The following CRTC3 variants were observed in gnomAD, a reference collection of about 807,000 sequenced individuals.
CRTC3 encodes the protein CREB-regulated transcription coactivator 3.
In CRTC3, 26 loss-of-function variants were observed where a neutral mutation model predicts 74.5. The ratio of observed to expected loss-of-function variants is 0.35; its 90% CI spans 0.26 to 0.48. The LOEUF (loss-of-function observed/expected upper bound fraction) is 0.48. Ranked by LOEUF, CRTC3 falls within the 20% of genes least tolerant of loss-of-function variation. CRTC3 has a pLI of 0.99. For missense variants in CRTC3, 760 were observed against 787.3 expected (o/e 0.97, Z 0.41); for synonymous variants, 377 against 325.8 (o/e 1.16, Z -1.69).
At position 90,644,473 on chromosome 15, in the gene CRTC3, G is replaced by A. The variant is rs1969558391; in HGVS notation, c.*2333G>A. 1 of 232,118 alleles carries A rather than the reference G, an allele frequency of 4.3e-6. No individual in the cohort carries two copies. Among genetic ancestry groups the A allele is most frequent in the Admixed American group, 5.6e-5 (1 of 17,728 alleles). 14.4% of individuals were successfully genotyped at this position (232,118 alleles called of 1,614,324 possible). ...TGTCTGCACAGCAGCCACCCTGCCT[G>A]GCAACAGAGACCCCAAGACCTACAC... On this transcript the variant is annotated 3_prime_UTR_variant, in exon 15 of 15. Coordinates refer to ENST00000268184, the MANE Select transcript of CRTC3 (RefSeq NM_022769.5).
In CRTC3 at chr15:90,638,635, C is replaced by T. The variant is rs750326673; in HGVS notation, c.1456C>T (p.Leu486Phe). ...ACTGCCACAGTCAGACTTTCAGCTT[C>T]TCCCGGCCCAGGTGAGTTCTGGCAG... ...SSLPQSDFQL[L>F]PAQGSSLTNF... Residue 486 changes from leucine to phenylalanine, a missense_variant, in exon 12 of 15, where the codon CTC (leucine) becomes TTC (phenylalanine). Coordinates refer to ENST00000268184, the MANE Select transcript of CRTC3 (RefSeq NM_022769.5). 6.2e-6 allele frequency: 10 copies of T among 1,613,736 alleles called. No homozygotes were observed. Among genetic ancestry groups the T allele is most frequent in the Non-Finnish European group, 8.5e-6 (10 of 1,179,984 alleles).
chr15:90,581,318 AAAAATTC>A (rs1967535910), intron 2 of CRTC3, among the ~76,000 whole-genome samples: 1 of 152,226 alleles, frequency 6.6e-6, no homozygotes, highest in Non-Finnish European at 1.5e-5. Context: ...AAGTTTTTTT[AAAAATTC>A]AATATGCTTT....
chr15:90,542,426 A>C lies in CRTC3; in HGVS notation c.231+2289A>C, dbSNP rs561375828. 3.9e-5 allele frequency among the ~76,000 whole-genome samples: 6 copies of C among 152,026 alleles called. No homozygotes were observed. In the East Asian group the frequency reaches 1.2e-3, roughly 29 times the overall value. On this transcript the variant is annotated intron_variant, in intron 2 of 14. Transcript: ENST00000268184. ...ACTCCTGACCTCAGGTGATCCGCCCATCTCGTCCTCCCAAAGTGCTGGGAT... is the reference window on the plus strand; with the variant it reads ...ACTCCTGACCTCAGGTGATCCGCCCCTCTCGTCCTCCCAAAGTGCTGGGAT...
intron 2 of CRTC3, among the ~76,000 whole-genome samples, chr15:90,587,658 G>C (rs1019267938): frequency 1.3e-5 from 2 of 152,130 alleles, no homozygotes; most frequent in Admixed American, 1.3e-4. Context: ...CTGTCACCCA[G>C]TCTGGAGTGT....
At chr15:90,541,386 T>G (rs1479968547) in intron 2 of CRTC3, among the ~76,000 whole-genome samples, 1 of 152,190 alleles carries the variant, frequency 6.6e-6, no homozygotes, top group Admixed American at 6.6e-5. Context: ...GGACTTCCAT[T>G]TGAGAGTGCT....
chr15:90,559,768 G>T (rs113447518), intron 2 of CRTC3, among the ~76,000 whole-genome samples: 1,961 of 152,238 alleles, frequency 0.013, 29 homozygotes, highest in Middle Eastern at 0.02. Flanking sequence ...GGCACCACCG[G>T]CGCATGCCAC....
intron 2 of CRTC3, among the ~76,000 whole-genome samples, chr15:90,584,893 G>A (rs1283371547): frequency 6.6e-6 from 1 of 152,144 alleles, no homozygotes; most frequent in Non-Finnish European, 1.5e-5. Context: ...GGTTGGGGTA[G>A]CATTTTAATT....
chr15:90,605,410 G>A (rs1596118498), intron 5 of CRTC3, among the ~76,000 whole-genome samples: 1 of 152,296 alleles, frequency 6.6e-6, no homozygotes, highest in Non-Finnish European at 1.5e-5. Flanking sequence ...TGACTGGCTA[G>A]TATAGTATTG....
intron 3 of CRTC3, among the ~76,000 whole-genome samples, chr15:90,601,939 C>T (rs1022591920): frequency 7.9e-5 from 12 of 152,094 alleles, no homozygotes; most frequent in Admixed American, 2.0e-4. Flanking sequence ...CGTCGTGAGC[C>T]GATCCCTGAG....
At chr15:90,576,799 C>T (rs986754262) in intron 2 of CRTC3, among the ~76,000 whole-genome samples, 7 of 152,066 alleles carry the variant, frequency 4.6e-5, no homozygotes, top group Admixed American at 6.6e-5. Flanking sequence ...CGTGCAAAGT[C>T]TGTGGTTATC....
At chr15:90,540,219 G>A in intron 2 of CRTC3, 82 bp downstream of exon 2, 3 of 985,436 alleles carry the variant, frequency 3.0e-6, no homozygotes, top group South Asian at 1.5e-5. Context: ...ATGAGATCTT[G>A]AAGGATAAGC....
intron 2 of CRTC3, among the ~76,000 whole-genome samples, chr15:90,566,712 C>A (rs2079757003): frequency 7.9e-6 from 1 of 126,302 alleles, no homozygotes. Flanking sequence ...TTCCTCCTTT[C>A]TTTTTTTTTT....
At chr15:90,559,062 TTTTA>T (rs1364705772) in intron 2 of CRTC3, among the ~76,000 whole-genome samples, 3 of 152,072 alleles carry the variant, frequency 2.0e-5, no homozygotes, top group African/African-American at 4.8e-5. Context: ...TACTATGTAT[TTTTA>T]TTTATTTATC....
chr15:90,636,706 AG>A (rs1969250757), intron 11 of CRTC3, among the ~76,000 whole-genome samples: 1 of 151,770 alleles, frequency 6.6e-6, no homozygotes, highest in Non-Finnish European at 1.5e-5. Context: ...CAAATTTACA[AG>A]AAAAAAACAA....
chr15:90,641,343 G>A, intron 14 of CRTC3, 144 bp downstream of exon 14: 1 of 630,166 alleles, frequency 1.6e-6, no homozygotes, highest in East Asian at 2.8e-5. Context: ...TGAGATGCAG[G>A]TGTCCAGCCT....
At chr15:90,586,337 T>C (rs74251762) in intron 2 of CRTC3, among the ~76,000 whole-genome samples, 1 of 151,136 alleles carries the variant, frequency 6.6e-6, no homozygotes, top group South Asian at 2.1e-4. Context: ...GTTTTTAATA[T>C]ATTTTTTAAA....
At chr15:90,562,483 A>G (rs1315969498) in intron 2 of CRTC3, among the ~76,000 whole-genome samples, 3 of 152,040 alleles carry the variant, frequency 2.0e-5, no homozygotes, top group Admixed American at 1.3e-4. Flanking sequence ...CACAAAACCA[A>G]TTTGTTTTTA....
intron 2 of CRTC3, among the ~76,000 whole-genome samples, chr15:90,554,808 T>C (rs1307637351): frequency 6.6e-6 from 1 of 152,234 alleles, no homozygotes; most frequent in Admixed American, 6.5e-5. Flanking sequence ...CAACCAGGGA[T>C]CCTCCCACAC....
Position 90,642,173 on chromosome 15 carries a change from T to A in CRTC3, c.*33T>A. 1 of 1,579,834 alleles carries A rather than the reference T, an allele frequency of 6.3e-7. No homozygotes were observed. On this transcript the variant is annotated 3_prime_UTR_variant, in exon 15 of 15. Transcript: ENST00000268184. ...GCAGTGGAACAGAAGAATGTTTTTC[T>A]GCAACAGCCAAAATAGAATGGAATA...
Sources: allele counts gnomAD v4.1 joint callset (sites outside exome capture counted in the v4.1 genomes callset), GRCh38; gene constraint gnomAD v4.1.1; transcripts MANE v1.5; gene names NCBI Gene and HGNC (gene_info 2026-07-23, HGNC 2026-07-21).